CCNY: variants seen among roughly 807,000 people sequenced by gnomAD.
CCNY encodes cyclin-Y.
CCNY carries 19 observed loss-of-function variants against 42.8 expected under a neutral mutation model. The observed-to-expected ratio is 0.44, with a 90% CI of 0.31 to 0.65. CCNY has a LOEUF of 0.65. Ranked by LOEUF, CCNY falls within the 30% of genes least tolerant of loss-of-function variation. The pLI is 0.07. For missense variants in CCNY, 370 were observed against 437.3 expected (o/e 0.85, Z 1.37); for synonymous variants, 165 against 162.7 (o/e 1.01, Z -0.11).
At chr10:35,480,249 T>C (rs560961290) in intron 1 of CCNY, among the ~76,000 whole-genome samples, 2 of 152,260 alleles carry the variant, frequency 1.3e-5, no homozygotes, top group South Asian at 2.1e-4. Context: ...GAGTTATAAC[T>C]TGGCCATGAA....
At chr10:35,563,703 A>AT (rs1564459921) in intron 8 of CCNY, among the ~76,000 whole-genome samples, 1 of 152,022 alleles carries the variant, frequency 6.6e-6, no homozygotes, top group Admixed American at 6.6e-5. Flanking sequence ...AAAGTAAATT[A>AT]TTATTTATTT....
intron 1 of CCNY, among the ~76,000 whole-genome samples, chr10:35,386,483 C>T (rs2135201947): frequency 6.6e-6 from 1 of 152,290 alleles, no homozygotes; most frequent in East Asian, 1.9e-4. Context: ...TTGTTTGGAG[C>T]TTTAAAGTTT....
In CCNY at chr10:35,457,619, C is replaced by T. The variant is rs1035692234; in HGVS notation, c.155-25785C>T. Among the ~76,000 whole-genome samples the T allele has an allele frequency of 2.6e-5, 4 of 151,228 alleles. No homozygotes were observed. The East Asian group carries it at 5.8e-4, about 22-fold the overall frequency. On this transcript the variant is annotated intron_variant, in intron 1 of 9. Transcript: ENST00000374704. ...TTTTTGAGATGGAGTCTCACTCTGT[C>T]GCCCAAGCTGGAGTGCAGTGGCACA... is the stretch of plus-strand genomic sequence containing the variant.
intron 1 of CCNY, among the ~76,000 whole-genome samples, chr10:35,466,989 C>A (rs1055505915): frequency 3.9e-5 from 6 of 152,144 alleles, no homozygotes; most frequent in African/African-American, 1.4e-4. Context: ...GAACTGTGAC[C>A]AGACAGTGAT....
intron 1 of CCNY, among the ~76,000 whole-genome samples, chr10:35,346,342 C>T (rs905484335): frequency 2.6e-5 from 4 of 152,148 alleles, no homozygotes; most frequent in Non-Finnish European, 5.9e-5. Context: ...TCTCCCTTTA[C>T]TTTTTCTAGG....
chr10:35,316,275 G>A (rs1438428134), intron 3 of CCNY: 1 of 152,192 alleles, frequency 6.6e-6, no homozygotes, highest in Non-Finnish European at 1.5e-5. Flanking sequence ...CTGAGCATAT[G>A]CCCCAGAAAA....
At chr10:35,352,733 G>T (rs1267884703) in intron 1 of CCNY, among the ~76,000 whole-genome samples, 1 of 152,130 alleles carries the variant, frequency 6.6e-6, no homozygotes, top group South Asian at 2.1e-4. Flanking sequence ...AGGGGAAGAA[G>T]GGACACCAGA....
chr10:35,384,142 A>C (rs1837252627), intron 1 of CCNY, among the ~76,000 whole-genome samples: 1 of 152,122 alleles, frequency 6.6e-6, no homozygotes, highest in Admixed American at 6.5e-5. Flanking sequence ...ATAAACCCAA[A>C]AGTATTTGAG....
chr10:35,510,030 GT>G (rs1840293492), intron 3 of CCNY, among the ~76,000 whole-genome samples: 1 of 152,088 alleles, frequency 6.6e-6, no homozygotes, highest in Non-Finnish European at 1.5e-5. Flanking sequence ...GCCAGTGCAA[GT>G]GGCCAGTTCT....
At chr10:35,413,847 T>G (rs1837966094) in intron 1 of CCNY, among the ~76,000 whole-genome samples, 1 of 152,054 alleles carries the variant, frequency 6.6e-6, no homozygotes, top group African/African-American at 2.4e-5. Context: ...AGGCTCAACT[T>G]TTCAGAACTT....
intron 8 of CCNY, among the ~76,000 whole-genome samples, chr10:35,557,810 TG>T (rs1028983789): frequency 2.0e-5 from 3 of 152,208 alleles, no homozygotes; most frequent in Non-Finnish European, 4.4e-5. Flanking sequence ...TAAAACCTTA[TG>T]GGAAATAGAT....
At chr10:35,412,310 A>G (rs1188534642) in intron 1 of CCNY, among the ~76,000 whole-genome samples, 1 of 152,206 alleles carries the variant, frequency 6.6e-6, no homozygotes, top group Non-Finnish European at 1.5e-5. Context: ...TTGCCTATAA[A>G]AAATTAGGCA....
chr10:35,494,518 G>A (rs1839969034), intron 2 of CCNY, among the ~76,000 whole-genome samples: 1 of 152,108 alleles, frequency 6.6e-6, no homozygotes, highest in Non-Finnish European at 1.5e-5. Context: ...AATAGTATAC[G>A]TGAATATTTA....
At chr10:35,508,663 C>T (rs1840262007) in intron 3 of CCNY, among the ~76,000 whole-genome samples, 1 of 152,146 alleles carries the variant, frequency 6.6e-6, no homozygotes, top group East Asian at 1.9e-4. Flanking sequence ...TTTAAATTTC[C>T]CATTCCAGTC....
At chr10:35,538,897 G>C (rs114058262) in intron 7 of CCNY, among the ~76,000 whole-genome samples, 1,549 of 152,182 alleles carry the variant, frequency 0.01, 30 homozygotes, top group African/African-American at 0.035. Context: ...TCTTCCTTTA[G>C]GAGTTTTATA....
At chr10:35,410,036 C>T (rs941559117) in intron 1 of CCNY, among the ~76,000 whole-genome samples, 2 of 152,086 alleles carry the variant, frequency 1.3e-5, no homozygotes, top group Non-Finnish European at 2.9e-5. Context: ...AGCCCCTGCA[C>T]CAGCCATGTG....
At chr10:35,496,975 A>G (rs1451318516) in intron 2 of CCNY, among the ~76,000 whole-genome samples, 3 of 152,326 alleles carry the variant, frequency 2.0e-5, no homozygotes, top group East Asian at 3.9e-4. Flanking sequence ...TGCTGATTTT[A>G]GATGGCTTAT....
chr10:35,375,382 G>A (rs1248207599), intron 1 of CCNY, among the ~76,000 whole-genome samples: 1 of 152,140 alleles, frequency 6.6e-6, no homozygotes, highest in East Asian at 1.9e-4. Flanking sequence ...TTCTCTCTCT[G>A]GCTCTCCTGC....
In CCNY at chr10:35,530,692, T is replaced by C. The variant is rs1286996296; in HGVS notation, c.579+449T>C. Among the ~76,000 whole-genome samples the C allele has an allele frequency of 6.6e-6, 1 of 152,220 alleles. No homozygotes were observed. The highest frequency in any genetic ancestry group is 1.5e-5 in the Non-Finnish European group (1 of 68,036). ...AGTGTGTATATTCCTAGCTTCTGTT[T>C]TGTGACTTTTGAGTAAATGTGTCTG... On this transcript the variant is annotated intron_variant, in intron 7 of 9. Coordinates refer to ENST00000374704, the MANE Select transcript of CCNY (RefSeq NM_145012.6). This position sits in a 1 kb window ranked among gnomAD's most constrained non-coding sequence, Gnocchi z 4.3.
Sources: allele counts gnomAD v4.1 joint callset (sites outside exome capture counted in the v4.1 genomes callset), GRCh38; gene constraint gnomAD v4.1.1; non-coding constraint Gnocchi (gnomAD v3.1); transcripts MANE v1.5; gene names NCBI Gene and HGNC (gene_info 2026-07-23, HGNC 2026-07-21).